GALNTL6: variants seen among roughly 807,000 people sequenced by gnomAD.
The protein encoded by GALNTL6 is polypeptide N-acetylgalactosaminyltransferase-like 6.
Under a neutral mutation model 73.7 loss-of-function variants are expected in GALNTL6, and 46 were observed. The observed-to-expected ratio is 0.62, with a 90% CI of 0.49 to 0.80. GALNTL6 has a LOEUF of 0.80. Among genes scored for constraint, GALNTL6 ranks in the 30% least tolerant of loss-of-function variants. The pLI, the probability that GALNTL6 is intolerant of heterozygous loss-of-function variation, is 0.00. For synonymous variants in GALNTL6, 259 were observed against 263.7 expected, an observed-to-expected ratio of 0.98 and a Z score of 0.17; for missense variants, 604 against 755.0, an observed-to-expected ratio of 0.80 and a Z score of 2.34.
At chr4:172,532,014 G>A (rs1274682328) in intron 5 of GALNTL6, among the ~76,000 whole-genome samples, 1 of 152,310 alleles carries the variant, frequency 6.6e-6, no homozygotes, top group South Asian at 2.1e-4. Flanking sequence ...GGTGGGAGTA[G>A]GTTTCTTCTG....
intron 5 of GALNTL6, among the ~76,000 whole-genome samples, chr4:172,701,200 T>C (rs1734008631): frequency 6.6e-6 from 1 of 152,106 alleles, no homozygotes; most frequent in South Asian, 2.1e-4. Flanking sequence ...GGAGTTTTCC[T>C]TGGTGGGGTT....
intron 2 of GALNTL6, among the ~76,000 whole-genome samples, chr4:172,183,199 T>G (rs543390186): frequency 6.6e-6 from 1 of 152,362 alleles, no homozygotes; most frequent in South Asian, 2.1e-4. Flanking sequence ...CTTTAGAAAG[T>G]TTTGAACATA....
At chr4:172,535,616 T>G (rs763955062) in intron 5 of GALNTL6, among the ~76,000 whole-genome samples, 3 of 152,188 alleles carry the variant, frequency 2.0e-5, no homozygotes, top group Non-Finnish European at 4.4e-5. Flanking sequence ...AAGTAACTAT[T>G]TTAGAGAAGA....
At chr4:171,916,117 G>T (rs1042225360) in intron 2 of GALNTL6, among the ~76,000 whole-genome samples, 3 of 151,846 alleles carry the variant, frequency 2.0e-5, no homozygotes, top group Admixed American at 6.6e-5. Flanking sequence ...CATTCTTTTT[G>T]ATTAAAAATT....
In GALNTL6 at chr4:172,864,609, A is replaced by G. The variant is rs896990132; in HGVS notation, c.924-18181A>G. Among the ~76,000 whole-genome samples the G allele has an allele frequency of 2.0e-5, 3 of 152,310 alleles. No individual in the cohort carries two copies. The East Asian group carries it at 5.8e-4, about 29-fold the overall frequency. The stretch of plus-strand genomic sequence containing the variant: ...TCTATTTCAGTTTTTTTCACTTATA[A>G]TATACAGTCATCTATTTTTAGGGCT... On this transcript the variant is annotated intron_variant, in intron 7 of 12. Coordinates refer to ENST00000506823, the MANE Select transcript of GALNTL6 (RefSeq NM_001034845.3).
At chr4:172,138,143 A>G (rs1269719003) in intron 2 of GALNTL6, among the ~76,000 whole-genome samples, 2 of 151,984 alleles carry the variant, frequency 1.3e-5, no homozygotes, top group African/African-American at 2.4e-5. Context: ...CTCCCAAATG[A>G]ACGGAATTAT....
At chr4:172,660,962 G>C (rs1434414053) in intron 5 of GALNTL6, among the ~76,000 whole-genome samples, 1 of 152,164 alleles carries the variant, frequency 6.6e-6, no homozygotes, top group Non-Finnish European at 1.5e-5. Flanking sequence ...GGCCTGTTAA[G>C]GTCGTTTTCA....
chr4:172,207,701 T>C (rs1027384102), intron 2 of GALNTL6, among the ~76,000 whole-genome samples: 1 of 152,152 alleles, frequency 6.6e-6, no homozygotes, highest in South Asian at 2.1e-4. Flanking sequence ...TATGTGACCT[T>C]CAGTACTTGA....
intron 5 of GALNTL6, among the ~76,000 whole-genome samples, chr4:172,488,450 C>G (rs147542421): frequency 2.0e-5 from 3 of 152,140 alleles, no homozygotes; most frequent in African/African-American, 7.2e-5. Context: ...CATACATCTG[C>G]GGGTAGCTGC....
intron 2 of GALNTL6, among the ~76,000 whole-genome samples, chr4:172,020,887 G>A (rs1741376481): frequency 6.6e-6 from 1 of 151,910 alleles, no homozygotes; most frequent in Non-Finnish European, 1.5e-5. Context: ...GATAAATATT[G>A]ATGCAAAAGT....
intron 5 of GALNTL6, among the ~76,000 whole-genome samples, chr4:172,365,856 C>G (rs1314075485): frequency 6.6e-6 from 1 of 151,996 alleles, no homozygotes; most frequent in African/African-American, 2.4e-5. Context: ...GCTGACCCAC[C>G]TTTAGACATC....
intron 10 of GALNTL6, among the ~76,000 whole-genome samples, chr4:172,995,176 T>C (rs1479759364): frequency 6.6e-6 from 1 of 152,202 alleles, no homozygotes; most frequent in East Asian, 1.9e-4. Context: ...GAAGTGTTTA[T>C]ATTCATAAAA....
At chr4:172,499,336 A>G (rs1218073214) in intron 5 of GALNTL6, among the ~76,000 whole-genome samples, 1 of 152,162 alleles carries the variant, frequency 6.6e-6, no homozygotes, top group Non-Finnish European at 1.5e-5. Flanking sequence ...CCACCATGTC[A>G]AGATACAGCA....
chr4:172,200,679 T>C (rs996864082), intron 2 of GALNTL6, among the ~76,000 whole-genome samples: 1 of 152,246 alleles, frequency 6.6e-6, no homozygotes, highest in African/African-American at 2.4e-5. Flanking sequence ...AGCACATTAG[T>C]AAATGTGTGA....
At chr4:172,131,406 A>AATATATATATATATATATATATAT (rs772791571) in intron 2 of GALNTL6, among the ~76,000 whole-genome samples, 6 of 137,552 alleles carry the variant, frequency 4.4e-5, no homozygotes, top group African/African-American at 1.7e-4. Flanking sequence ...ATGCCTTTAA[A>AATATATATATATATATATATATAT]ATATATATAT....
At chr4:172,206,364 C>T (rs1736109559) in intron 2 of GALNTL6, among the ~76,000 whole-genome samples, 1 of 152,130 alleles carries the variant, frequency 6.6e-6, no homozygotes, top group African/African-American at 2.4e-5. Flanking sequence ...AAGACAAGAA[C>T]AGGTGCTCCC....
At chr4:171,920,499 G>A (rs1055151347) in intron 2 of GALNTL6, among the ~76,000 whole-genome samples, 17 of 152,074 alleles carry the variant, frequency 1.1e-4, no homozygotes, top group African/African-American at 4.1e-4. Flanking sequence ...ACTAGTTATA[G>A]AATTTATCCA....
chr4:172,227,328 G>A (rs1287189717), intron 2 of GALNTL6, among the ~76,000 whole-genome samples: 1 of 152,132 alleles, frequency 6.6e-6, no homozygotes, highest in Admixed American at 6.6e-5. Context: ...TTGATACATA[G>A]GCTAACAACA....
intron 2 of GALNTL6, among the ~76,000 whole-genome samples, chr4:171,967,964 T>A (rs12503009): frequency 0.42 from 64,444 of 151,954 alleles, 16,683 homozygotes; most frequent in Non-Finnish European, 0.57. Flanking sequence ...ATACCCTAGT[T>A]GTGAGAACAG....
Sources: gnomAD v4.1 joint callset for allele counts (sites outside exome capture counted in the v4.1 genomes callset) on GRCh38, gnomAD v4.1.1 for gene constraint, MANE v1.5 for transcripts, NCBI Gene and HGNC (gene_info 2026-07-23, HGNC 2026-07-21) for gene names.